The following NOS1AP variants were observed in gnomAD, a reference collection of about 807,000 sequenced individuals.
NOS1AP encodes the protein nitric oxide synthase 1 adaptor protein.
In NOS1AP, 21 loss-of-function variants were observed where a neutral mutation model predicts 56.2. That is an observed-to-expected ratio of 0.37 (90% CI 0.26 to 0.54). The LOEUF (loss-of-function observed/expected upper bound fraction) is 0.54. Among genes scored for constraint, NOS1AP ranks in the 20% least tolerant of loss-of-function variants. The pLI is 0.84. For synonymous variants in NOS1AP, 270 were observed against 274.6 expected (o/e 0.98, Z 0.17); for missense variants, 522 against 657.8 (o/e 0.79, Z 2.26).
intron 6 of NOS1AP, among the ~76,000 whole-genome samples, chr1:162,353,069 G>A (rs1480457886): frequency 2.3e-5 from 3 of 131,642 alleles, no homozygotes; most frequent in Non-Finnish European, 4.6e-5. Context: ...CAAACCCTGT[G>A]CTTTCTGCCC....
At chr1:162,232,739 A>G (rs1653162499) in intron 2 of NOS1AP, among the ~76,000 whole-genome samples, 1 of 152,128 alleles carries the variant, frequency 6.6e-6, no homozygotes, top group African/African-American at 2.4e-5. Flanking sequence ...AAAAATTTTA[A>G]AGCAAATAGT....
intron 2 of NOS1AP, among the ~76,000 whole-genome samples, chr1:162,245,325 G>C (rs575006539): frequency 1.2e-4 from 19 of 152,258 alleles, no homozygotes; most frequent in Admixed American, 3.3e-4. Context: ...AAAACCATAA[G>C]GAGGAACCTC....
chr1:162,204,991 A>G (rs1323411491), intron 2 of NOS1AP, among the ~76,000 whole-genome samples: 2 of 152,192 alleles, frequency 1.3e-5, no homozygotes, highest in African/African-American at 4.8e-5. Flanking sequence ...TGCACACCAG[A>G]TATTCATGAG....
At chr1:162,095,676 G>C (rs76853648) in intron 1 of NOS1AP, among the ~76,000 whole-genome samples, 17,595 of 152,172 alleles carry the variant, frequency 0.12, 2,267 homozygotes, top group African/African-American at 0.32. Context: ...CTCATCCGGT[G>C]AGTGGGGTTA....
chr1:162,154,669 ATGTGATGGCTGG>A (rs1649857609), intron 2 of NOS1AP, among the ~76,000 whole-genome samples, 193 bp downstream of exon 2: 1 of 152,190 alleles, frequency 6.6e-6, no homozygotes, highest in South Asian at 2.1e-4. Context: ...GTTAAAATGG[ATGTGATGGCTGG>A]AGTGGTACCA....
At chr1:162,102,779 A>G (rs1647338310) in intron 1 of NOS1AP, among the ~76,000 whole-genome samples, 1 of 151,472 alleles carries the variant, frequency 6.6e-6, no homozygotes, top group African/African-American at 2.4e-5. Context: ...GTCAGGGGTG[A>G]TTTTCTCCTT....
At chr1:162,314,807 G>C (rs772892563) in intron 4 of NOS1AP, among the ~76,000 whole-genome samples, 1 of 152,184 alleles carries the variant, frequency 6.6e-6, no homozygotes, top group East Asian at 1.9e-4. Flanking sequence ...TCCAAGGTAA[G>C]ACTCCTATTT....
At chr1:162,196,676 A>C (rs1224903618) in intron 2 of NOS1AP, among the ~76,000 whole-genome samples, 2 of 152,212 alleles carry the variant, frequency 1.3e-5, no homozygotes, top group East Asian at 3.8e-4. Flanking sequence ...TCCCATTGCC[A>C]CATGGACTGT....
intron 6 of NOS1AP, among the ~76,000 whole-genome samples, chr1:162,349,591 G>A (rs1228046575): frequency 6.6e-6 from 1 of 152,206 alleles, no homozygotes; most frequent in Non-Finnish European, 1.5e-5. Context: ...CTCTGGTATT[G>A]TGAGAGAATG....
intron 2 of NOS1AP, among the ~76,000 whole-genome samples, chr1:162,214,086 A>G (rs1020821094): frequency 3.5e-4 from 54 of 152,230 alleles, no homozygotes; most frequent in African/African-American, 1.2e-3. Context: ...CCATGTGCAC[A>G]TGAAACTATC....
chr1:162,079,150 C>G (rs1489478485), intron 1 of NOS1AP, among the ~76,000 whole-genome samples: 1 of 152,064 alleles, frequency 6.6e-6, no homozygotes, highest in Non-Finnish European at 1.5e-5. Flanking sequence ...CTTGAGGGAC[C>G]CCCCAGCATG....
chr1:162,354,881 G>A (rs1201718149), intron 6 of NOS1AP, among the ~76,000 whole-genome samples: 1 of 152,244 alleles, frequency 6.6e-6, no homozygotes, highest in Admixed American at 6.5e-5. Flanking sequence ...ATGACATGGA[G>A]ATGATCAGCA....
At chr1:162,245,873 T>G (rs2101686219) in intron 2 of NOS1AP, among the ~76,000 whole-genome samples, 1 of 152,376 alleles carries the variant, frequency 6.6e-6, no homozygotes. Flanking sequence ...ATTTTAATGA[T>G]GATAGCTTAT....
intron 1 of NOS1AP, among the ~76,000 whole-genome samples, chr1:162,141,112 A>T (rs7520556): frequency 6.6e-6 from 1 of 152,216 alleles, no homozygotes; most frequent in African/African-American, 2.4e-5. Context: ...TTTGGCAAAT[A>T]GAAAGTGTTC....
chr1:162,245,353 T>A (rs1653628417), intron 2 of NOS1AP, among the ~76,000 whole-genome samples: 1 of 152,106 alleles, frequency 6.6e-6, no homozygotes. Flanking sequence ...CTAAGAATGA[T>A]GAAAAATGTA....
intron 1 of NOS1AP, among the ~76,000 whole-genome samples, chr1:162,084,511 G>C (rs1691961930): frequency 6.6e-6 from 1 of 152,186 alleles, no homozygotes; most frequent in Non-Finnish European, 1.5e-5. Context: ...CCAGCAAGGA[G>C]GTGGAGGAGG....
intron 6 of NOS1AP, among the ~76,000 whole-genome samples, chr1:162,352,203 G>A (rs1466541075): frequency 1.3e-5 from 2 of 152,114 alleles, no homozygotes; most frequent in Non-Finnish European, 2.9e-5. Context: ...GGGATTACAG[G>A]CATGTACCAC....
At chr1:162,226,378 A>G (rs1441048959) in intron 2 of NOS1AP, among the ~76,000 whole-genome samples, 2 of 152,308 alleles carry the variant, frequency 1.3e-5, no homozygotes, top group Non-Finnish European at 2.9e-5. Context: ...TTGGGCTGGT[A>G]TTGTGGGGCA....
intron 3 of NOS1AP, among the ~76,000 whole-genome samples, chr1:162,290,237 G>A (rs1337524803): frequency 1.3e-5 from 2 of 152,214 alleles, no homozygotes; most frequent in Non-Finnish European, 2.9e-5. Flanking sequence ...CTTGGGAAAA[G>A]GGAGCTGCCC....
Sources: gnomAD v4.1 joint callset for allele counts (sites outside exome capture counted in the v4.1 genomes callset) on GRCh38, gnomAD v4.1.1 for gene constraint, MANE v1.5 for transcripts, NCBI Gene and HGNC (gene_info 2026-07-23, HGNC 2026-07-21) for gene names.